Variants in ZFP91 observed in about 807,000 individuals in gnomAD.
ZFP91 encodes E3 ubiquitin-protein ligase ZFP91.
Under a neutral mutation model 63.5 loss-of-function variants are expected in ZFP91, and 7 were observed. That is an observed-to-expected ratio of 0.11 (90% confidence interval 0.06 to 0.21). The LOEUF is 0.21. Among genes scored for constraint, ZFP91 ranks in the 10% least tolerant of loss-of-function variants. The pLI, the probability that ZFP91 is intolerant of heterozygous loss-of-function variation, is 1.00. For missense variants in ZFP91, 628 were observed against 736.6 expected (o/e 0.85, Z 1.71); for synonymous variants, 330 against 272.1 (o/e 1.21, Z -2.10).
chr11:58,607,035 T>C (rs531428894), intron 2 of ZFP91, among the ~76,000 whole-genome samples: 85 of 152,254 alleles, frequency 5.6e-4, no homozygotes, highest in African/African-American at 2.0e-3. Context: ...ACTATTGTTA[T>C]CAAATTGGCA....
At chr11:58,584,272 A>G (rs17145606) in intron 1 of ZFP91, among the ~76,000 whole-genome samples, 4,836 of 152,144 alleles carry the variant, frequency 0.032, 256 homozygotes, top group African/African-American at 0.11. Context: ...GGTCTTTTTA[A>G]CACTTCATTG....
rs1302228013 is a variant in ZFP91 at position 58,617,341 on chromosome 11, G to T, written c.1348G>T (p.Ala450Ser). ...EKKDSVVAHK[A>S]KSHPEVLIAE... ...GAAGGACAGCGTAGTGGCACACAAG[G>T]CAAAAAGCCACCCTGAGGTGCTGAT... Residue 450 changes from alanine to serine, a missense_variant, in exon 11 of 11, where the codon GCA becomes TCA. Ala to Ser is a moderately conservative substitution (Grantham distance 99). Transcript: ENST00000316059. The surrounding 1 kb of genome is among the most constrained non-coding windows in gnomAD (Gnocchi z 4.2). 1 of 1,613,764 alleles carries T rather than the reference G, an allele frequency of 6.2e-7. No individual in the cohort carries two copies. The highest frequency in any genetic ancestry group is 8.5e-7 in the Non-Finnish European group (1 of 1,179,920).
intron 2 of ZFP91, among the ~76,000 whole-genome samples, chr11:58,604,460 C>T (rs1317156116): frequency 6.6e-6 from 1 of 152,160 alleles, no homozygotes. Context: ...CTTTTATCCT[C>T]CAGAAGTATG....
chr11:58,582,716 C>A lies in ZFP91; in HGVS notation c.342-2140C>A, dbSNP rs544454409. Among the ~76,000 whole-genome samples the A allele has an allele frequency of 9.2e-5, 14 of 152,248 alleles. No homozygotes were observed. In the South Asian group the frequency reaches 2.9e-3, roughly 32 times the overall value. ...TTAACCTCTTCATTTATAATTGCTT[C>A]ATTTATAATTGATATTTTATGAATT... On this transcript the variant is annotated intron_variant, in intron 1 of 10. Coordinates refer to ENST00000316059, the MANE Select transcript of ZFP91 (RefSeq NM_053023.5).
chr11:58,603,334 G>A (rs1477779367), intron 2 of ZFP91, among the ~76,000 whole-genome samples: 1 of 152,204 alleles, frequency 6.6e-6, no homozygotes, highest in Admixed American at 6.5e-5. Context: ...AAATTTTTTA[G>A]TCTGTCCAAA....
At chr11:58,616,940 T>A in intron 10 of ZFP91, 125 bp downstream of exon 10, 1 of 964,764 alleles carries the variant, frequency 1.0e-6, no homozygotes, top group Admixed American at 2.3e-5. Context: ...GAGTGGATAT[T>A]GATTGGGGGC....
intron 2 of ZFP91, among the ~76,000 whole-genome samples, chr11:58,601,460 GTCTTC>G (rs1855489008): frequency 2.0e-5 from 3 of 152,030 alleles, no homozygotes; most frequent in African/African-American, 4.8e-5. Context: ...AGTAATTTGG[GTCTTC>G]TCTTATTAAC....
chr11:58,617,121 TCTAACC>T lies in ZFP91; in HGVS notation c.1203-72_1203-67del. ...GTGTATGTATATATATGCTCTAAAC[TCTAACC>T]CTGATCCTGAATAAGAGCACTCTTT... On this transcript the variant is annotated intron_variant, in intron 10 of 10. Coordinates refer to ENST00000316059, the MANE Select transcript of ZFP91 (RefSeq NM_053023.5). This position sits in a 1 kb window ranked among gnomAD's most constrained non-coding sequence, Gnocchi z 4.2. 1 of 1,411,336 alleles carries T rather than the reference TCTAACC, an allele frequency of 7.1e-7. No homozygotes were observed. The highest frequency in any genetic ancestry group is 9.5e-7 in the Non-Finnish European group (1 of 1,049,514). The allele number at this position is 1,411,336 out of a possible 1,614,324, so 87.4% of individuals were successfully genotyped here.
chr11:58,581,444 T>C (rs1432113822), intron 1 of ZFP91, among the ~76,000 whole-genome samples: 2 of 152,196 alleles, frequency 1.3e-5, no homozygotes, highest in Non-Finnish European at 2.9e-5. Flanking sequence ...CACTGCAACC[T>C]CCGCCTCCTG....
intron 2 of ZFP91, among the ~76,000 whole-genome samples, chr11:58,608,794 G>A (rs566219579): frequency 6.6e-6 from 1 of 152,204 alleles, no homozygotes; most frequent in South Asian, 2.1e-4. Context: ...TGGTAGAGAC[G>A]GGGTTTCACC....
At chr11:58,594,605 A>G (rs1033348844) in intron 2 of ZFP91, among the ~76,000 whole-genome samples, 3 of 152,196 alleles carry the variant, frequency 2.0e-5, no homozygotes, top group African/African-American at 7.2e-5. Flanking sequence ...TGAAAGCCTA[A>G]TATTTTTTAT....
rs1234943128 is a variant in ZFP91 at position 58,579,067 on chromosome 11, C to T, written c.-215C>T. Reference sequence around the variant, plus strand: ...CGATTGGCCCGCTGAGCGTCTGTGGCGCGCGCGCGCGCGCCGCCAGCGGTA... The same window carrying T: ...CGATTGGCCCGCTGAGCGTCTGTGGTGCGCGCGCGCGCGCCGCCAGCGGTA... On this transcript the variant is annotated 5_prime_UTR_variant, in exon 1 of 11. Transcript: ENST00000316059. 6.8e-6 allele frequency: 2 copies of T among 295,268 alleles called. No homozygotes were observed. The highest frequency in any genetic ancestry group is 5.9e-6 in the Non-Finnish European group (1 of 170,386). 18.3% of individuals were successfully genotyped at this position (295,268 alleles called of 1,614,324 possible). A position where few individuals can be genotyped will look rare whatever the true frequency, so the allele number is the denominator to read the frequency against.
intron 2 of ZFP91, among the ~76,000 whole-genome samples, chr11:58,596,410 A>G (rs974204191): frequency 2.0e-5 from 3 of 152,146 alleles, no homozygotes; most frequent in African/African-American, 4.8e-5. Context: ...CACTTTAACC[A>G]TTTGCTTTAG....
chr11:58,585,566 CT>C (rs1855193136), intron 2 of ZFP91, among the ~76,000 whole-genome samples: 2 of 152,076 alleles, frequency 1.3e-5, no homozygotes, highest in Non-Finnish European at 2.9e-5. Context: ...AACAAATATA[CT>C]TTTAGGCACA....
At chr11:58,616,472 T>A (rs1330587758) in intron 9 of ZFP91, among the ~76,000 whole-genome samples, 1 of 152,154 alleles carries the variant, frequency 6.6e-6, no homozygotes, top group Non-Finnish European at 1.5e-5. Context: ...ATTTCTTATA[T>A]TTTTATCTAG....
intron 2 of ZFP91, among the ~76,000 whole-genome samples, chr11:58,595,820 A>C (rs9666102): frequency 0.021 from 3,206 of 152,028 alleles, 51 homozygotes; most frequent in Non-Finnish European, 0.032. Context: ...CAAGTGACCT[A>C]CCCATCTCCA....
chr11:58,579,926 T>C (rs11229533), intron 1 of ZFP91, among the ~76,000 whole-genome samples: 1 of 152,152 alleles, frequency 6.6e-6, no homozygotes, highest in Non-Finnish European at 1.5e-5. Context: ...TCCCTCTTTC[T>C]GGCATCCGCA....
At position 58,579,258 on chromosome 11, in the gene ZFP91, G is replaced by C. The variant is rs1426778326; in HGVS notation, c.-24G>C. The C allele has an allele frequency of 2.8e-6, 4 of 1,411,312 alleles. No individual in the cohort carries two copies. The highest frequency in any genetic ancestry group is 3.4e-5 in the Admixed American group (1 of 29,100). The allele number at this position is 1,411,312 out of a possible 1,614,324, so 87.4% of individuals were successfully genotyped here. A position where few individuals can be genotyped will look rare whatever the true frequency, so the allele number is the denominator to read the frequency against. ...CTCCGCCTCCGCCGCCTAGGACTAG[G>C]GGGTGGGGGACGGACAAGCCCCGAT... On this transcript the variant is annotated 5_prime_UTR_variant, in exon 1 of 11. Transcript: ENST00000316059.
intron 2 of ZFP91, among the ~76,000 whole-genome samples, chr11:58,596,342 A>G (rs1233993829): frequency 1.3e-5 from 2 of 152,202 alleles, no homozygotes; most frequent in African/African-American, 2.4e-5. Context: ...AGCTTTACAG[A>G]AATACAATTT....
Sources: allele counts gnomAD v4.1 joint callset (sites outside exome capture counted in the v4.1 genomes callset), GRCh38; gene constraint gnomAD v4.1.1; non-coding constraint Gnocchi (gnomAD v3.1); transcripts MANE v1.5; gene names NCBI Gene and HGNC (gene_info 2026-07-23, HGNC 2026-07-21).